DISC1: variants seen among roughly 807,000 people sequenced by gnomAD.
The protein encoded by DISC1 is DISC1 scaffold protein.
In DISC1, 57 loss-of-function variants were observed where a neutral mutation model predicts 84.5. The observed-to-expected ratio is 0.67, with a 90% CI of 0.55 to 0.84. The LOEUF is 0.84. DISC1 is among the 40% of genes least tolerant of loss of function. The pLI, the probability that DISC1 is intolerant of heterozygous loss-of-function variation, is 0.00. For synonymous variants in DISC1, 411 were observed against 415.2 expected (o/e 0.99, Z 0.12); for missense variants, 1,000 against 1,057.8 (o/e 0.95, Z 0.76).
intron 1 of DISC1, among the ~76,000 whole-genome samples, chr1:231,674,511 T>A (rs1328969376): frequency 2.0e-5 from 3 of 152,250 alleles, no homozygotes; most frequent in African/African-American, 7.2e-5. Context: ...CCTGTCTAAT[T>A]TGAATACAAA....
chr1:231,730,065 G>A (rs1481492030), intron 3 of DISC1, among the ~76,000 whole-genome samples: 1 of 152,206 alleles, frequency 6.6e-6, no homozygotes, highest in Non-Finnish European at 1.5e-5. Context: ...AGAGCCTGTA[G>A]TTTTTGAGCA....
chr1:231,660,958 C>A (rs978121948), intron 1 of DISC1, among the ~76,000 whole-genome samples: 1 of 152,034 alleles, frequency 6.6e-6, no homozygotes. Context: ...ATTCTCTCAG[C>A]CTTTGCTTGT....
At chr1:232,033,457 A>C (rs953019396) in intron 12 of DISC1, among the ~76,000 whole-genome samples, 3 of 152,184 alleles carry the variant, frequency 2.0e-5, no homozygotes, top group African/African-American at 4.8e-5. Context: ...TCAGCACAGC[A>C]GCCAAACTGA....
intron 3 of DISC1, among the ~76,000 whole-genome samples, chr1:231,718,393 C>A (rs1158496516): frequency 6.6e-6 from 1 of 151,562 alleles, no homozygotes; most frequent in Non-Finnish European, 1.5e-5. Flanking sequence ...TTTCTAACTT[C>A]ATTTCTTGCC....
At chr1:231,894,745 T>TTGTGTG (rs3222846) in intron 9 of DISC1, among the ~76,000 whole-genome samples, 13 of 144,606 alleles carry the variant, frequency 9.0e-5, no homozygotes, top group African/African-American at 2.3e-4. Context: ...GTGTCATCTG[T>TTGTGTG]TGTGTGTGTG....
intron 9 of DISC1, among the ~76,000 whole-genome samples, chr1:231,879,916 G>A (rs547771088): frequency 2.0e-5 from 3 of 152,302 alleles, no homozygotes; most frequent in Admixed American, 2.0e-4. Context: ...TGGACTCAGA[G>A]TGAAGTCCCA....
intron 8 of DISC1, among the ~76,000 whole-genome samples, chr1:231,816,855 A>G (rs1036116206): frequency 7.9e-5 from 12 of 151,752 alleles, no homozygotes; most frequent in African/African-American, 2.4e-4. Flanking sequence ...TGCTTTGGTC[A>G]TCCTCCTCCT....
At chr1:232,010,792 G>T (rs901505843) in intron 11 of DISC1, among the ~76,000 whole-genome samples, 1 of 152,158 alleles carries the variant, frequency 6.6e-6, no homozygotes, top group Admixed American at 6.5e-5. Context: ...AAACTGGGGG[G>T]AGCTTAGCAA....
At chr1:231,681,371 A>G (rs1440275965) in intron 1 of DISC1, among the ~76,000 whole-genome samples, 1 of 151,902 alleles carries the variant, frequency 6.6e-6, no homozygotes, top group Non-Finnish European at 1.5e-5. Context: ...TAGAGTGTCT[A>G]TGTGATCCGT....
At chr1:232,032,265 G>A (rs1290941466) in intron 12 of DISC1, among the ~76,000 whole-genome samples, 2 of 152,118 alleles carry the variant, frequency 1.3e-5, no homozygotes, top group Non-Finnish European at 1.5e-5. Flanking sequence ...ATTTGACTAA[G>A]CCATTGAAAT....
chr1:232,002,552 G>C (rs1466470764), intron 10 of DISC1, among the ~76,000 whole-genome samples: 1 of 147,632 alleles, frequency 6.8e-6, no homozygotes, highest in Non-Finnish European at 1.5e-5. Flanking sequence ...CAGTTGAAAA[G>C]GAATAAACAA....
At chr1:232,011,137 G>A (rs1334492153) in intron 11 of DISC1, among the ~76,000 whole-genome samples, 1 of 152,118 alleles carries the variant, frequency 6.6e-6, no homozygotes, top group African/African-American at 2.4e-5. Flanking sequence ...GACTTTCCCA[G>A]GCATAGGAGG....
At chr1:231,733,886 G>T (rs575792934) in intron 3 of DISC1, among the ~76,000 whole-genome samples, 1 of 151,084 alleles carries the variant, frequency 6.6e-6, no homozygotes, top group South Asian at 2.1e-4. Context: ...GTGATGGTTG[G>T]GGGGTGGTGA....
intron 9 of DISC1, among the ~76,000 whole-genome samples, chr1:231,856,928 C>T (rs554375732): frequency 1.1e-3 from 167 of 152,284 alleles, no homozygotes; most frequent in South Asian, 3.3e-3. Context: ...GAGTGGGCTG[C>T]AGCAATCCTG....
chr1:232,010,361 A>T (rs1353430564), intron 11 of DISC1, among the ~76,000 whole-genome samples: 1 of 152,174 alleles, frequency 6.6e-6, no homozygotes, highest in Non-Finnish European at 1.5e-5. Context: ...TGGGTGGAAG[A>T]AACTGCAGGC....
rs992268553 is a variant in DISC1 at position 231,776,749 on chromosome 1, G to GA, written c.1634+5688dup. Among the ~76,000 whole-genome samples the GA allele has an allele frequency of 2.9e-4, 44 of 151,438 alleles. No homozygotes were observed. The Middle Eastern group carries it at 0.017, about 59-fold the overall frequency. ...AATTCACCAGCTCACAACTGAATGG[G>GA]AAAAAAAAATCAATAGTTCCTCTTT... On this transcript the variant is annotated intron_variant, in intron 6 of 12. Coordinates refer to ENST00000439617, the MANE Select transcript of DISC1 (RefSeq NM_018662.3).
chr1:231,931,985 G>T (rs141976615), intron 9 of DISC1, among the ~76,000 whole-genome samples: 1 of 152,028 alleles, frequency 6.6e-6, no homozygotes, highest in African/African-American at 2.4e-5. Context: ...GCTCATGGCC[G>T]TGGGGAGCCC....
intron 3 of DISC1, chr1:231,702,698 G>A (rs944299056): frequency 1.6e-5 from 11 of 690,024 alleles, no homozygotes; most frequent in Middle Eastern, 7.1e-4. Flanking sequence ...AAGTTGGGCT[G>A]CAAGCAGATG....
chr1:231,642,158 C>G (rs996448637), intron 1 of DISC1, among the ~76,000 whole-genome samples: 3 of 152,232 alleles, frequency 2.0e-5, no homozygotes, highest in Admixed American at 1.3e-4. Flanking sequence ...GGTGCTAAGC[C>G]CTTCACTGCC....
Sources: gnomAD v4.1 joint callset for allele counts (sites outside exome capture counted in the v4.1 genomes callset) on GRCh38, gnomAD v4.1.1 for gene constraint, MANE v1.5 for transcripts, NCBI Gene and HGNC (gene_info 2026-07-23, HGNC 2026-07-21) for gene names.